The following CLEC16A variants were observed in gnomAD, a reference collection of about 807,000 sequenced individuals.
CLEC16A encodes protein CLEC16A.
Under a neutral mutation model 109.5 loss-of-function variants are expected in CLEC16A, and 51 were observed. The observed-to-expected ratio is 0.47, with a 90% CI of 0.37 to 0.59. CLEC16A has a LOEUF of 0.59. CLEC16A is among the 20% of genes least tolerant of loss of function. The pLI is 0.00. For synonymous variants in CLEC16A, 673 were observed against 564.2 expected, an observed-to-expected ratio of 1.19 and a Z score of -2.73; for missense variants, 1,339 against 1,394.0, an observed-to-expected ratio of 0.96 and a Z score of 0.63.
At chr16:11,075,404 G>GTGTGTGTC in intron 19 of CLEC16A, among the ~76,000 whole-genome samples, 1 of 123,376 alleles carries the variant, frequency 8.1e-6, no homozygotes, top group East Asian at 2.5e-4. Flanking sequence ...GTGTGTGTGT[G>GTGTGTGTC]TGTGTGTCTG....
chr16:11,173,863 A>G (rs2068628960), intron 23 of CLEC16A, among the ~76,000 whole-genome samples: 1 of 152,114 alleles, frequency 6.6e-6, no homozygotes, highest in Non-Finnish European at 1.5e-5. Context: ...CCTTTCCAAC[A>G]GGACTCCACC....
chr16:11,049,666 G>A (rs1245416453), intron 17 of CLEC16A, among the ~76,000 whole-genome samples: 1 of 152,244 alleles, frequency 6.6e-6, no homozygotes, highest in African/African-American at 2.4e-5. Flanking sequence ...GCCAGCTGCT[G>A]TACCAAAGTC....
At chr16:11,054,914 G>A (rs957169824) in intron 18 of CLEC16A, among the ~76,000 whole-genome samples, 3 of 150,884 alleles carry the variant, frequency 2.0e-5, no homozygotes, top group Non-Finnish European at 4.4e-5. Context: ...TACCCCTTTG[G>A]ATTCAAAGGT....
Position 11,141,474 on chromosome 16 carries a change from G to A in CLEC16A, c.2641+15328G>A, listed in dbSNP as rs929065088. On this transcript the variant is annotated intron_variant, in intron 22 of 23. Coordinates refer to ENST00000409790, the MANE Select transcript of CLEC16A (RefSeq NM_015226.3). The stretch of plus-strand genomic sequence containing the variant: ...CAGAGGGTTCATGCCGCCAGAGCAC[G>A]GGGTGTGGGGGGCACTGGGTTGTCG... Among the ~76,000 whole-genome samples the A allele has an allele frequency of 4.6e-5, 7 of 152,260 alleles. No individual in the cohort carries two copies. The East Asian group carries it at 1.2e-3, about 25-fold the overall frequency.
chr16:11,124,265 G>A (rs1261563850), intron 21 of CLEC16A, among the ~76,000 whole-genome samples: 2 of 152,172 alleles, frequency 1.3e-5, no homozygotes, highest in Non-Finnish European at 2.9e-5. Context: ...GTGCTTTGAC[G>A]TTACTCTACC....
At chr16:11,003,810 G>A (rs78074324) in intron 11 of CLEC16A, among the ~76,000 whole-genome samples, 3 of 151,960 alleles carry the variant, frequency 2.0e-5, no homozygotes, top group Admixed American at 6.6e-5. Flanking sequence ...TGTGCACTGC[G>A]GGAAGAAAGA....
intron 1 of CLEC16A, among the ~76,000 whole-genome samples, chr16:10,948,118 C>T (rs1023622525): frequency 1.3e-5 from 2 of 152,212 alleles, no homozygotes; most frequent in Non-Finnish European, 2.9e-5. Context: ...TGGTCTCGAT[C>T]TCCTGACCTT....
At position 11,003,147 on chromosome 16, in the gene CLEC16A, A is replaced by G; in HGVS notation, c.1145A>G (p.Lys382Arg). The change falls in exon 11 of 24, where the codon AAG becomes AGG. Residue 382 changes from lysine (K) to arginine (R), a missense_variant. By Grantham distance (26) the Lys-to-Arg change is conservative. Transcript: ENST00000409790. ...CGGTCCCTTGAGATGAACAAGCACA[A>G]GGGCAAGAGGCGGGTGCAAAAGAGA... ...LERSLEMNKHKGKRRVQKRPN... is the reference protein window; with the variant it reads ...LERSLEMNKHRGKRRVQKRPN... 6.2e-7 allele frequency: 1 copy of G among 1,613,730 alleles called. No individual in the cohort carries two copies.
chr16:11,078,631 A>C (rs1022605827), intron 19 of CLEC16A, among the ~76,000 whole-genome samples: 1 of 152,208 alleles, frequency 6.6e-6, no homozygotes, highest in African/African-American at 2.4e-5. Context: ...TGGGTCCGGC[A>C]CAGCCAGTCT....
intron 22 of CLEC16A, among the ~76,000 whole-genome samples, chr16:11,153,684 A>AT (rs2054386168): frequency 6.6e-6 from 1 of 151,952 alleles, no homozygotes; most frequent in Non-Finnish European, 1.5e-5. Context: ...GGAGGGAAAA[A>AT]CATCTGACCC....
At chr16:11,008,820 C>G (rs1345575497) in intron 11 of CLEC16A, among the ~76,000 whole-genome samples, 4 of 128,186 alleles carry the variant, frequency 3.1e-5, no homozygotes, top group Non-Finnish European at 6.4e-5. Flanking sequence ...GACACCCCGT[C>G]TCTACTAAAA....
At chr16:11,056,682 C>T (rs1207043777) in intron 18 of CLEC16A, 1 of 152,104 alleles carries the variant, frequency 6.6e-6, no homozygotes, top group Non-Finnish European at 1.5e-5. Flanking sequence ...GAATATTTTG[C>T]TTTATTTTTT....
intron 22 of CLEC16A, chr16:11,156,589 C>T: frequency 7.7e-7 from 1 of 1,304,208 alleles, no homozygotes; most frequent in Non-Finnish European, 1.0e-6. Context: ...CTGACTGCCG[C>T]AGTAGAGAGG....
At chr16:10,951,105 A>G (rs1255608989) in intron 1 of CLEC16A, among the ~76,000 whole-genome samples, 1 of 152,228 alleles carries the variant, frequency 6.6e-6, no homozygotes, top group African/African-American at 2.4e-5. Flanking sequence ...AGCAGAGGCT[A>G]TTGAGGCCAG....
At chr16:10,945,552 G>T (rs527778514) in intron 1 of CLEC16A, among the ~76,000 whole-genome samples, 66 of 152,256 alleles carry the variant, frequency 4.3e-4, no homozygotes, top group African/African-American at 1.5e-3. Flanking sequence ...AGCCACACCT[G>T]CGTTCAAATC....
chr16:11,138,407 A>G (rs1372336457), intron 22 of CLEC16A, among the ~76,000 whole-genome samples: 1 of 152,208 alleles, frequency 6.6e-6, no homozygotes, highest in East Asian at 1.9e-4. Flanking sequence ...TTCGAATTTT[A>G]TCCTAGAAGC....
intron 6 of CLEC16A, 109 bp downstream of exon 6, chr16:10,972,668 A>G: frequency 9.6e-7 from 1 of 1,040,854 alleles, no homozygotes; most frequent in South Asian, 1.4e-5. Flanking sequence ...TCTGCTACTG[A>G]TAAGTAGGCT....
chr16:11,050,961 C>T (rs2047908056), intron 17 of CLEC16A, among the ~76,000 whole-genome samples: 1 of 152,238 alleles, frequency 6.6e-6, no homozygotes, highest in South Asian at 2.1e-4. Flanking sequence ...CTGCCACCCA[C>T]CAGCTGAGCG....
intron 18 of CLEC16A, among the ~76,000 whole-genome samples, chr16:11,057,749 A>G (rs911866066): frequency 7.2e-5 from 11 of 152,248 alleles, no homozygotes; most frequent in Non-Finnish European, 1.5e-4. Context: ...AAAGCGCTCA[A>G]TAAAACCCTG....
Sources: allele counts gnomAD v4.1 joint callset (sites outside exome capture counted in the v4.1 genomes callset), GRCh38; gene constraint gnomAD v4.1.1; transcripts MANE v1.5; gene names NCBI Gene and HGNC (gene_info 2026-07-23, HGNC 2026-07-21).